KAT6A: variants seen among roughly 807,000 people sequenced by gnomAD.
The protein encoded by KAT6A is lysine acetyltransferase 6A.
Under a neutral mutation model 198.4 loss-of-function variants are expected in KAT6A, and 9 were observed. That is an observed-to-expected ratio of 0.05 (90% CI 0.03 to 0.08). The LOEUF (loss-of-function observed/expected upper bound fraction) is 0.08, where lower values mean the gene tolerates loss of function less well. KAT6A is among the 10% of genes least tolerant of loss of function. The pLI is 1.00. For synonymous variants in KAT6A, 890 were observed against 883.0 expected (o/e 1.01, Z -0.14); for missense variants, 2,077 against 2,509.9 (o/e 0.83, Z 3.69).
In KAT6A at chr8:41,932,536, C is replaced by T. The variant is rs1821603652; in HGVS notation, c.5684G>A (p.Arg1895His). Residue 1895 changes from arginine to histidine, a missense_variant, in exon 17 of 17, where the codon CGT becomes CAT. By Grantham distance (29) the Arg-to-His change is conservative. Coordinates refer to ENST00000265713, the MANE Select transcript of KAT6A (RefSeq NM_006766.5). ...CAGATTAACCCCCATGTTCATGCCACGCTGAACAGCCAGTGCGCGAGGGCC... is the reference window on the plus strand; with the variant it reads ...CAGATTAACCCCCATGTTCATGCCATGCTGAACAGCCAGTGCGCGAGGGCC... ...QAGPRALAVQ[R>H]GMNMGVNLMP... The T allele has an allele frequency of 6.2e-6, 10 of 1,614,250 alleles. 1 individual carries two copies. The highest frequency in any genetic ancestry group is 2.2e-5 in the South Asian group (2 of 91,084).
chr8:41,992,003 T>A (rs1451372092), intron 2 of KAT6A, among the ~76,000 whole-genome samples: 1 of 151,946 alleles, frequency 6.6e-6, no homozygotes, highest in Non-Finnish European at 1.5e-5. Flanking sequence ...AAGTATCTAC[T>A]GGAGCCTGGG....
intron 2 of KAT6A, among the ~76,000 whole-genome samples, chr8:42,030,165 C>G (rs74547555): frequency 0.11 from 17,190 of 152,128 alleles, 1,235 homozygotes; most frequent in East Asian, 0.24. Context: ...GGGTCTCGGA[C>G]AAGGGGGCTC....
chr8:41,932,645 A>G lies in KAT6A; in HGVS notation c.5575T>C (p.Ser1859Pro). The G allele has an allele frequency of 6.2e-7, 1 of 1,614,174 alleles. No individual in the cohort carries two copies. Among genetic ancestry groups the G allele is most frequent in the Non-Finnish European group, 8.5e-7 (1 of 1,180,016 alleles). The change falls in exon 17 of 17, where the codon TCC becomes CCC. Residue 1859 changes from serine to proline, a missense_variant. Physicochemically the swap from Ser to Pro is moderately conservative, Grantham distance 74 (BLOSUM62 -1). Around this residue, in one of 13 missense-constraint regions of KAT6A, gnomAD observed 500 missense variants for 577.2 expected, o/e 0.87. Transcript: ENST00000265713. ...MPVKGHISIR[S>P]KSAPLPSAAA... is the part of the protein sequence containing the mutation. ...GCAGAGGGCAGTGGCGCAGACTTGG[A>G]GCGGATGGAAATGTGCCCCTTCACT...
chr8:42,051,545 G>A (rs936183342), intron 1 of KAT6A, among the ~76,000 whole-genome samples: 8 of 144,652 alleles, frequency 5.5e-5, no homozygotes, highest in African/African-American at 1.7e-4. Flanking sequence ...CCGAGGCTCC[G>A]CGGCCTGGGC....
At position 41,932,189 on chromosome 8, in the gene KAT6A, T is replaced by C; in HGVS notation, c.*16A>G. 6.5e-7 allele frequency: 1 copy of C among 1,528,116 alleles called. No homozygotes were observed. The highest frequency in any genetic ancestry group is 8.8e-7 in the Non-Finnish European group (1 of 1,139,592). The allele number at this position is 1,528,116 out of a possible 1,614,324, so 94.7% of individuals were successfully genotyped here. A position where few individuals can be genotyped will look rare whatever the true frequency, so the allele number is the denominator to read the frequency against. On this transcript the variant is annotated 3_prime_UTR_variant, in exon 17 of 17. Transcript: ENST00000265713. Reference sequence around the variant, plus strand: ...ATTTATATATATTTAAGTTTTTGATTGCAAGTTCATCTTGCTCATCTTCTC... The same window carrying C: ...ATTTATATATATTTAAGTTTTTGATCGCAAGTTCATCTTGCTCATCTTCTC...
intron 9 of KAT6A, among the ~76,000 whole-genome samples, chr8:41,954,073 G>A (rs1360611216): frequency 2.0e-5 from 3 of 152,130 alleles, no homozygotes; most frequent in African/African-American, 7.2e-5. Context: ...TCATGAGCTT[G>A]TGTGTTAGTT....
chr8:42,019,294 C>T (rs1014772862), intron 2 of KAT6A, among the ~76,000 whole-genome samples: 1 of 152,082 alleles, frequency 6.6e-6, no homozygotes, highest in Admixed American at 6.6e-5. Context: ...TTTTAAGATT[C>T]TTATGTGCCA....
At chr8:42,028,662 G>A (rs1328894063) in intron 2 of KAT6A, among the ~76,000 whole-genome samples, 1 of 151,638 alleles carries the variant, frequency 6.6e-6, no homozygotes, top group Non-Finnish European at 1.5e-5. Flanking sequence ...TATATAATTG[G>A]GTCTTAAAAA....
chr8:41,974,533 C>G, intron 8 of KAT6A, 171 bp downstream of exon 8: 2 of 446,278 alleles, frequency 4.5e-6, no homozygotes, highest in Non-Finnish European at 8.0e-6. Flanking sequence ...AAGCAGTTAT[C>G]ATGGGTTTGA....
intron 2 of KAT6A, among the ~76,000 whole-genome samples, chr8:42,020,037 G>A (rs911676551): frequency 4.6e-5 from 7 of 152,146 alleles, no homozygotes; most frequent in Non-Finnish European, 1.0e-4. Flanking sequence ...ATGCAGTGAT[G>A]TTATCAATGT....
chr8:42,028,615 T>C (rs966105389), intron 2 of KAT6A, among the ~76,000 whole-genome samples: 1 of 152,226 alleles, frequency 6.6e-6, no homozygotes, highest in Admixed American at 6.5e-5. Flanking sequence ...TTTCGGTCTA[T>C]ATGTCTTCAT....
rs1821774243 is a variant in KAT6A, at chr8:41,934,880, G to GA, written c.3353-14dup. ...AAGATAGGAGTGTCTATACAGGAAG[G>GA]AAAAAAAACAAAGACAGGTTACAAG... On this transcript the variant is annotated splice_polypyrimidine_tract_variant and intron_variant, in intron 16 of 16. Transcript: ENST00000265713. 34 of 1,560,110 alleles carry GA rather than the reference G, an allele frequency of 2.2e-5. No individual in the cohort carries two copies. The highest frequency in any genetic ancestry group is 2.2e-5 in the East Asian group (1 of 44,464).
chr8:41,933,686 T>G lies in KAT6A; in HGVS notation c.4534A>C (p.Ile1512Leu), dbSNP rs1821683247. 6.2e-7 allele frequency: 1 copy of G among 1,613,962 alleles called. No homozygotes were observed. ...VPALESGYTQ[I>L]SPEQGSLSAP... ...GACAGGGATCCTTGTTCTGGGCTGA[T>G]CTGGGTGTAGCCACTCTCAAGGGCA... Residue 1512 changes from isoleucine (I) to leucine (L), a missense_variant, in exon 17 of 17, where the codon ATC becomes CTC. By Grantham distance (5) the Ile-to-Leu change is conservative. Coordinates refer to ENST00000265713, the MANE Select transcript of KAT6A (RefSeq NM_006766.5). The surrounding 1 kb of genome is among the most constrained non-coding windows in gnomAD (Gnocchi z 6.2).
intron 11 of KAT6A, among the ~76,000 whole-genome samples, chr8:41,947,146 T>C (rs946320887): frequency 1.3e-5 from 2 of 152,230 alleles, no homozygotes; most frequent in Admixed American, 6.5e-5. Context: ...ACTTTTATAA[T>C]TTTATAAATG....
At position 42,015,613 on chromosome 8, in the gene KAT6A, A is replaced by G. The variant is rs189443217; in HGVS notation, c.601-28050T>C. Among the ~76,000 whole-genome samples, 398 of 152,350 alleles carry G rather than the reference A, an allele frequency of 2.6e-3. 1 individual carries two copies. Among genetic ancestry groups the G allele is most frequent in the Admixed American group, 4.4e-3 (68 of 15,300 alleles). On this transcript the variant is annotated intron_variant, in intron 2 of 16. Transcript: ENST00000265713. ...GTATAGATAAATTTCAACTCCTGGC[A>G]TATGTACTATTCTATCCTTTCAGCA...
At chr8:41,989,576 T>A (rs370880201) in intron 2 of KAT6A, among the ~76,000 whole-genome samples, 2 of 147,918 alleles carry the variant, frequency 1.4e-5, no homozygotes, top group Non-Finnish European at 3.0e-5. Context: ...ATAACATAAC[T>A]AAAATAAAAA....
At chr8:41,991,558 G>A (rs1331656274) in intron 2 of KAT6A, among the ~76,000 whole-genome samples, 1 of 152,166 alleles carries the variant, frequency 6.6e-6, no homozygotes. Context: ...TTAATTATGT[G>A]TAGTTAAGGT....
rs781674247 is a variant in KAT6A at position 41,932,622 on chromosome 8, A to G, written c.5598T>C (p.Ser1866=). ...ACAGCTGCTGCTGGTGAGCAGCCGC[A>G]GAGGGCAGTGGCGCAGACTTGGAGC... is the stretch of plus-strand genomic sequence containing the variant. ...SIRSKSAPLP[S]AAAHQQQLYG... is the part of the protein sequence containing the mutation. Residue 1866 remains serine, a synonymous_variant, in exon 17 of 17, where the codon TCT becomes TCC. Coordinates refer to ENST00000265713, the MANE Select transcript of KAT6A (RefSeq NM_006766.5). The G allele has an allele frequency of 2.2e-5, 35 of 1,613,974 alleles. No homozygotes were observed. Among genetic ancestry groups the G allele is most frequent in the Non-Finnish European group, 2.9e-5 (34 of 1,179,930 alleles).
At position 41,930,351 on chromosome 8, in the gene KAT6A, T is replaced by C. The variant is rs1301152976; in HGVS notation, c.*1854A>G. On this transcript the variant is annotated 3_prime_UTR_variant, in exon 17 of 17. Coordinates refer to ENST00000265713, the MANE Select transcript of KAT6A (RefSeq NM_006766.5). ...CTACATAGATGACTGGGAACTGGAA[T>C]AGTATATACAGAGAAACTGGGTCCT... 1 of 212,928 alleles carries C rather than the reference T, an allele frequency of 4.7e-6. No individual in the cohort carries two copies. Among genetic ancestry groups the C allele is most frequent in the African/African-American group, 2.4e-5 (1 of 42,508 alleles). 13.2% of individuals were successfully genotyped at this position (212,928 alleles called of 1,614,324 possible). A position where few individuals can be genotyped will look rare whatever the true frequency, so the allele number is the denominator to read the frequency against.
Sources: gnomAD v4.1 joint callset for allele counts (sites outside exome capture counted in the v4.1 genomes callset) on GRCh38, gnomAD v4.1.1 for gene constraint, gnomAD v4.1.1 regional missense constraint, Gnocchi (gnomAD v3.1) non-coding constraint, MANE v1.5 for transcripts, NCBI Gene and HGNC (gene_info 2026-07-23, HGNC 2026-07-21) for gene names.